The following PDE3B variants were observed in gnomAD, a reference collection of about 807,000 sequenced individuals.
The protein encoded by PDE3B is cGMP-inhibited 3',5'-cyclic phosphodiesterase 3B.
A neutral mutation model predicts 116.8 loss-of-function variants in PDE3B; 66 were observed. That is an observed-to-expected ratio of 0.56 (90% CI 0.46 to 0.69). PDE3B has a LOEUF of 0.69. Ranked by LOEUF, PDE3B falls within the 30% of genes least tolerant of loss-of-function variation. The pLI is 0.00. For missense variants in PDE3B, 1,384 were observed against 1,368.1 expected (o/e 1.01, Z -0.18); for synonymous variants, 595 against 533.6 (o/e 1.12, Z -1.59).
chr11:14,797,866 T>A (rs1203512107), intron 4 of PDE3B, among the ~76,000 whole-genome samples: 1 of 152,190 alleles, frequency 6.6e-6, no homozygotes, highest in Non-Finnish European at 1.5e-5. Context: ...TTGAATCATG[T>A]CATCTGCAAA....
intron 1 of PDE3B, among the ~76,000 whole-genome samples, chr11:14,649,837 G>C (rs1215940236): frequency 6.6e-6 from 1 of 152,174 alleles, no homozygotes; most frequent in Admixed American, 6.5e-5. Flanking sequence ...ACTATTGCCT[G>C]CTTCGCTTAA....
intron 12 of PDE3B, among the ~76,000 whole-genome samples, chr11:14,850,500 TAAAA>T (rs914567369): frequency 6.7e-6 from 1 of 148,684 alleles, no homozygotes; most frequent in Non-Finnish European, 1.5e-5. Context: ...ATAATAAAAT[TAAAA>T]AAAAAAGATT....
the PDE3B span, among the ~76,000 whole-genome samples, chr11:14,894,052 A>G: frequency 1.3e-5 from 2 of 152,176 alleles, no homozygotes; most frequent in African/African-American, 4.8e-5. Context: ...GGAAGTCAGC[A>G]AGTTAGTCAG....
At chr11:14,872,997 C>A (rs1467343755), downstream of PDE3B, among the ~76,000 whole-genome samples, 9 of 152,048 alleles carry the variant, frequency 5.9e-5, no homozygotes, top group African/African-American at 2.2e-4. Flanking sequence ...CCCAGTAGAC[C>A]AGACCAAAGC....
intron 1 of PDE3B, among the ~76,000 whole-genome samples, chr11:14,650,420 A>G (rs1397723146): frequency 3.9e-5 from 6 of 152,068 alleles, no homozygotes; most frequent in Admixed American, 3.9e-4. Context: ...TTGCCCAGGC[A>G]TGTCTCAAAC....
chr11:14,786,478 T>A lies in PDE3B; in HGVS notation c.1071T>A (p.Asn357Lys), dbSNP rs1158771925. The change falls in exon 3 of 16, where the codon AAT (asparagine) becomes AAA (lysine). Residue 357 changes from asparagine to lysine, a missense_variant. Transcript: ENST00000282096. ...ATGGAGTTGATCTTTCAGTGCTAAA[T>A]GAGGCTCGCAATATGGTGTCAGATC... is the stretch of plus-strand genomic sequence containing the variant. The part of the protein sequence containing the change: ...GGNGVDLSVL[N>K]EARNMVSDLL... 2 of 1,612,360 alleles carry A rather than the reference T, an allele frequency of 1.2e-6. No individual in the cohort carries two copies. Among genetic ancestry groups the A allele is most frequent in the Non-Finnish European group, 1.7e-6 (2 of 1,178,608 alleles).
chr11:14,711,031 A>C (rs773109908), intron 1 of PDE3B, among the ~76,000 whole-genome samples: 1 of 152,188 alleles, frequency 6.6e-6, no homozygotes, highest in Non-Finnish European at 1.5e-5. Flanking sequence ...AAAAGAAATA[A>C]AAATTATGAT....
At chr11:14,771,349 G>C (rs1466087884) in intron 1 of PDE3B, among the ~76,000 whole-genome samples, 1 of 151,600 alleles carries the variant, frequency 6.6e-6, no homozygotes, top group East Asian at 1.9e-4. Flanking sequence ...TTAGGAAGAA[G>C]GGCAGGAAAA....
At chr11:14,850,463 A>G (rs998843248) in intron 12 of PDE3B, among the ~76,000 whole-genome samples, 1 of 152,080 alleles carries the variant, frequency 6.6e-6, no homozygotes, top group Non-Finnish European at 1.5e-5. Context: ...CATTGTGCAC[A>G]TGTACCCTAA....
intron 1 of PDE3B, among the ~76,000 whole-genome samples, chr11:14,710,926 C>A (rs1320540200): frequency 1.3e-5 from 2 of 152,202 alleles, no homozygotes; most frequent in Non-Finnish European, 2.9e-5. Context: ...GCCCAAAGAA[C>A]TTTTCTTGCT....
the PDE3B span, chr11:14,890,484 T>C: frequency 2.1e-6 from 2 of 968,848 alleles, no homozygotes; most frequent in Non-Finnish European, 2.4e-6. Flanking sequence ...TCGTGAACCA[T>C]GAAAGGAACG....
chr11:14,710,158 G>A (rs1023987657), intron 1 of PDE3B, among the ~76,000 whole-genome samples: 2 of 152,136 alleles, frequency 1.3e-5, no homozygotes, highest in African/African-American at 4.8e-5. Flanking sequence ...TAATCTTTCT[G>A]AACTTTAGTT....
the PDE3B span, among the ~76,000 whole-genome samples, chr11:14,896,422 T>C: frequency 7.9e-5 from 12 of 152,198 alleles, no homozygotes; most frequent in Non-Finnish European, 1.3e-4. Flanking sequence ...AAATCAGCCA[T>C]GGTCCCTGTG....
intron 1 of PDE3B, among the ~76,000 whole-genome samples, chr11:14,683,585 G>C (rs1854778745): frequency 6.6e-6 from 1 of 151,542 alleles, no homozygotes; most frequent in South Asian, 2.1e-4. Context: ...AGTTTTGTTT[G>C]AGGTTTATAA....
chr11:14,747,266 C>T (rs1856934530), intron 1 of PDE3B, among the ~76,000 whole-genome samples: 1 of 152,186 alleles, frequency 6.6e-6, no homozygotes. Flanking sequence ...CACATTTCAG[C>T]ATGAGATTTG....
At chr11:14,708,708 T>C in intron 1 of PDE3B, among the ~76,000 whole-genome samples, 1 of 152,014 alleles carries the variant, frequency 6.6e-6, no homozygotes, top group Non-Finnish European at 1.5e-5. Flanking sequence ...GAAATTTACA[T>C]TGAAGAATTT....
At chr11:14,712,442 T>C (rs1005653203) in intron 1 of PDE3B, among the ~76,000 whole-genome samples, 36 of 149,506 alleles carry the variant, frequency 2.4e-4, no homozygotes, top group Non-Finnish European at 3.8e-4. Flanking sequence ...TTTGGAAAAG[T>C]AGTTTATTTG....
intron 5 of PDE3B, among the ~76,000 whole-genome samples, chr11:14,811,320 T>C (rs1859122044): frequency 6.6e-6 from 1 of 152,232 alleles, no homozygotes; most frequent in African/African-American, 2.4e-5. Flanking sequence ...TTTAAGTCTT[T>C]AATCCATCTT....
At chr11:14,857,620 T>A (rs1355061485) in intron 12 of PDE3B, among the ~76,000 whole-genome samples, 2 of 152,206 alleles carry the variant, frequency 1.3e-5, no homozygotes, top group African/African-American at 4.8e-5. Context: ...TATATCTAGA[T>A]TCTAATACTG....
Sources: gnomAD v4.1 joint callset for allele counts (sites outside exome capture counted in the v4.1 genomes callset) on GRCh38, gnomAD v4.1.1 for gene constraint, MANE v1.5 for transcripts, NCBI Gene and HGNC (gene_info 2026-07-23, HGNC 2026-07-21) for gene names.